CSMD1: variants seen among roughly 807,000 people sequenced by gnomAD.
The protein encoded by CSMD1 is CUB and sushi domain-containing protein 1.
Under a neutral mutation model 417.5 loss-of-function variants are expected in CSMD1, and 213 were observed. The observed-to-expected ratio is 0.51, with a 90% CI of 0.46 to 0.57. CSMD1 has a LOEUF of 0.57. CSMD1 is among the 20% of genes least tolerant of loss of function. CSMD1 has a pLI of 0.00. For synonymous variants in CSMD1, 2,862 were observed against 1,736.8 expected (o/e 1.65, Z -16.11); for missense variants, 6,923 against 4,529.7 (o/e 1.53, Z -15.17).
At chr8:4,983,449 A>T (rs1294312559) in intron 1 of CSMD1, among the ~76,000 whole-genome samples, 1 of 152,254 alleles carries the variant, frequency 6.6e-6, no homozygotes, top group Non-Finnish European at 1.5e-5. Context: ...AGTGCCCTTC[A>T]GTTCTCCAGG....
chr8:4,078,000 G>A (rs1249758543), intron 3 of CSMD1, among the ~76,000 whole-genome samples: 6 of 151,960 alleles, frequency 3.9e-5, no homozygotes, highest in Non-Finnish European at 8.8e-5. Context: ...TCATCTCTCA[G>A]TTGGAAAAAA....
At chr8:4,144,228 G>C (rs1186996189) in intron 3 of CSMD1, among the ~76,000 whole-genome samples, 1 of 150,862 alleles carries the variant, frequency 6.6e-6, no homozygotes, top group Non-Finnish European at 1.5e-5. Context: ...CCTTGATTCA[G>C]CACAAACTGG....
chr8:4,031,167 C>A (rs570316243), intron 4 of CSMD1, among the ~76,000 whole-genome samples: 99 of 152,346 alleles, frequency 6.5e-4, no homozygotes, highest in African/African-American at 2.2e-3. Context: ...AAAGTCGCTT[C>A]CACATCTTTT....
intron 5 of CSMD1, among the ~76,000 whole-genome samples, chr8:3,784,253 A>G (rs1035986630): frequency 3.3e-5 from 5 of 152,244 alleles, no homozygotes; most frequent in Admixed American, 2.0e-4. Context: ...ATAAATGTCC[A>G]ACACAGGACC....
At chr8:4,561,672 A>G (rs1345117042) in intron 2 of CSMD1, among the ~76,000 whole-genome samples, 1 of 152,160 alleles carries the variant, frequency 6.6e-6, no homozygotes, top group Non-Finnish European at 1.5e-5. Flanking sequence ...ACACAGTGAG[A>G]CTCTGTTAAA....
chr8:3,870,264 G>A (rs1805390507), intron 5 of CSMD1, among the ~76,000 whole-genome samples: 1 of 152,148 alleles, frequency 6.6e-6, no homozygotes, highest in Non-Finnish European at 1.5e-5. Context: ...TTATTCAACT[G>A]TGTAAACGTG....
chr8:4,341,895 C>T (rs1800498545), intron 3 of CSMD1, among the ~76,000 whole-genome samples: 2 of 152,092 alleles, frequency 1.3e-5, no homozygotes, highest in African/African-American at 4.8e-5. Context: ...CACTAACTTT[C>T]TGATTACTCA....
At chr8:4,019,136 A>G (rs1308297052) in intron 4 of CSMD1, among the ~76,000 whole-genome samples, 1 of 152,210 alleles carries the variant, frequency 6.6e-6, no homozygotes, top group Non-Finnish European at 1.5e-5. Context: ...TGGTATCGTA[A>G]GACTTAAAGA....
intron 3 of CSMD1, among the ~76,000 whole-genome samples, chr8:4,367,807 A>G (rs990948320): frequency 6.6e-6 from 1 of 152,066 alleles, no homozygotes; most frequent in Non-Finnish European, 1.5e-5. Context: ...TAGGTATTTT[A>G]TTCTTTGTGC....
intron 3 of CSMD1, among the ~76,000 whole-genome samples, chr8:4,215,201 A>T (rs1257446012): frequency 6.6e-6 from 1 of 152,222 alleles, no homozygotes; most frequent in African/African-American, 2.4e-5. Context: ...ATAAAGGCTT[A>T]ACCAGCTGCG....
At chr8:3,018,683 T>C (rs1178575848) in intron 51 of CSMD1, 33 bp from the exon 52 acceptor site, 14 of 1,590,122 alleles carry the variant, frequency 8.8e-6, no homozygotes, top group Non-Finnish European at 1.1e-5. Flanking sequence ...GAACATCAAT[T>C]CAGTTATGCA....
intron 37 of CSMD1, among the ~76,000 whole-genome samples, chr8:3,167,159 C>T (rs562584402): frequency 6.6e-6 from 1 of 152,046 alleles, no homozygotes; most frequent in Non-Finnish European, 1.5e-5. Context: ...GTGGCATGTG[C>T]CTGTAATCGC....
intron 3 of CSMD1, among the ~76,000 whole-genome samples, chr8:4,416,062 A>G (rs544068562): frequency 6.6e-6 from 1 of 152,334 alleles, no homozygotes; most frequent in South Asian, 2.1e-4. Context: ...TTTCCTAAGA[A>G]AAGACATGAA....
chr8:4,604,350 T>C (rs1024242922), intron 2 of CSMD1, among the ~76,000 whole-genome samples: 1 of 150,366 alleles, frequency 6.7e-6, no homozygotes, highest in Non-Finnish European at 1.5e-5. Context: ...ATATAATATA[T>C]TATTCTAGTC....
At chr8:4,817,558 T>C (rs1191160311) in intron 1 of CSMD1, among the ~76,000 whole-genome samples, 1 of 152,232 alleles carries the variant, frequency 6.6e-6, no homozygotes, top group African/African-American at 2.4e-5. Context: ...CTTTTCAAAG[T>C]AAAATTATAA....
rs144423962 is a variant in CSMD1, at chr8:4,106,229, G to C, written c.416-74130C>G. Among the ~76,000 whole-genome samples the C allele has an allele frequency of 1.2e-4, 19 of 152,308 alleles. No homozygotes were observed. In the East Asian group the frequency reaches 2.1e-3, roughly 17 times the overall value. ...GGAATCCAGCATTGGGTCAGGGAGT[G>C]ATCTATAAACTTCCGAGCAGGATAA... is the stretch of plus-strand genomic sequence containing the variant. On this transcript the variant is annotated intron_variant, in intron 3 of 69. Coordinates refer to ENST00000635120, the MANE Select transcript of CSMD1 (RefSeq NM_033225.6).
At position 3,344,858 on chromosome 8, in the gene CSMD1, A is replaced by T. The variant is rs757035868; in HGVS notation, c.3475-1408T>A. Among the ~76,000 whole-genome samples the T allele has an allele frequency of 5.9e-5, 9 of 152,364 alleles. No homozygotes were observed. The East Asian group carries it at 1.7e-3, about 29-fold the overall frequency. On this transcript the variant is annotated intron_variant, in intron 22 of 69. Transcript: ENST00000635120. ...TATTTCATTACAATTAAATATGCAC[A>T]TGCTAGTGGGGTAGAATCAGATACT...
intron 6 of CSMD1, among the ~76,000 whole-genome samples, chr8:3,735,642 C>T (rs1338544837): frequency 6.6e-6 from 1 of 152,102 alleles, no homozygotes; most frequent in Non-Finnish European, 1.5e-5. Context: ...CTCTTGGTGC[C>T]CTGGTTCACT....
At chr8:3,417,964 G>C (rs1401487076) in intron 12 of CSMD1, among the ~76,000 whole-genome samples, 1 of 152,130 alleles carries the variant, frequency 6.6e-6, no homozygotes, top group Non-Finnish European at 1.5e-5. Context: ...CTCTCTCCTT[G>C]TCCGTCACCA....
Sources: allele counts gnomAD v4.1 joint callset (sites outside exome capture counted in the v4.1 genomes callset), GRCh38; gene constraint gnomAD v4.1.1; transcripts MANE v1.5; gene names NCBI Gene and HGNC (gene_info 2026-07-23, HGNC 2026-07-21).